The following LRRC7 variants were observed in gnomAD, a reference collection of about 807,000 sequenced individuals.
The protein encoded by LRRC7 is leucine-rich repeat-containing protein 7.
A neutral mutation model predicts 175.7 loss-of-function variants in LRRC7; 23 were observed. That is an observed-to-expected ratio of 0.13 (90% CI 0.09 to 0.19). The LOEUF (loss-of-function observed/expected upper bound fraction) is 0.19. LRRC7 is among the 10% of genes least tolerant of loss of function. The probability of loss-of-function intolerance (pLI) is 1.00; values close to 1 mark genes in which losing one functional copy is unlikely to be tolerated. For synonymous variants in LRRC7, 685 were observed against 680.9 expected (o/e 1.01, Z -0.09); for missense variants, 1,354 against 1,904.7 (o/e 0.71, Z 5.38).
intron 11 of LRRC7, among the ~76,000 whole-genome samples, chr1:69,998,929 C>T (rs766019588): frequency 2.6e-5 from 4 of 152,138 alleles, no homozygotes; most frequent in Non-Finnish European, 4.4e-5. Flanking sequence ...CTTGAGCTCC[C>T]GTCACATCCC....
chr1:69,877,737 A>C (rs1309993318), intron 7 of LRRC7, among the ~76,000 whole-genome samples: 1 of 152,150 alleles, frequency 6.6e-6, no homozygotes, highest in African/African-American at 2.4e-5. Context: ...TCCTTTTCTG[A>C]ACATTTCATA....
At chr1:70,045,023 G>A (rs867963875) in intron 22 of LRRC7, among the ~76,000 whole-genome samples, 16 of 151,948 alleles carry the variant, frequency 1.1e-4, no homozygotes, top group Admixed American at 3.3e-4. Flanking sequence ...ATCAAAATGA[G>A]GGTCATAAGA....
At chr1:70,076,372 T>G in intron 24 of LRRC7, 74 bp downstream of exon 24, 1 of 1,342,522 alleles carries the variant, frequency 7.4e-7, no homozygotes, top group Non-Finnish European at 1.1e-6. Flanking sequence ...TGGCCTTCCC[T>G]CATTAATGTG....
intron 3 of LRRC7, among the ~76,000 whole-genome samples, chr1:69,769,553 G>T (rs768082468): frequency 1.4e-4 from 22 of 152,114 alleles, no homozygotes; most frequent in Non-Finnish European, 1.2e-4. Flanking sequence ...TGTATAAAGT[G>T]TATATGAAGC....
chr1:70,105,046 G>C (rs1020866888), intron 25 of LRRC7, among the ~76,000 whole-genome samples: 1 of 152,160 alleles, frequency 6.6e-6, no homozygotes, highest in Non-Finnish European at 1.5e-5. Flanking sequence ...ATTGTACAGA[G>C]ACCCCAGTAG....
intron 7 of LRRC7, among the ~76,000 whole-genome samples, chr1:69,881,374 A>G (rs544879167): frequency 6.6e-6 from 1 of 152,220 alleles, no homozygotes; most frequent in Non-Finnish European, 1.5e-5. Flanking sequence ...AAAATTTCCA[A>G]TGAAACCAGT....
chr1:69,851,435 A>G (rs1682971119), intron 7 of LRRC7, among the ~76,000 whole-genome samples: 1 of 152,136 alleles, frequency 6.6e-6, no homozygotes, highest in Admixed American at 6.6e-5. Context: ...AAAGAAAGGA[A>G]TTAATGATGC....
intron 13 of LRRC7, among the ~76,000 whole-genome samples, chr1:70,013,597 A>G (rs977417291): frequency 2.6e-5 from 4 of 151,960 alleles, no homozygotes; most frequent in Non-Finnish European, 5.9e-5. Flanking sequence ...TGAATGAGGA[A>G]AGGATAGGTC....
At position 69,712,698 on chromosome 1, in the gene LRRC7, G is replaced by A. The variant is rs554599671; in HGVS notation, c.100+34220G>A. Reference sequence around the variant, plus strand: ...AAAGTTATTTTTATTTTTTCTTTCAGCATTAAAAATGTAGTATCACTAGTG... The same window carrying A: ...AAAGTTATTTTTATTTTTTCTTTCAACATTAAAAATGTAGTATCACTAGTG... On this transcript the variant is annotated intron_variant, in intron 2 of 26. Coordinates refer to ENST00000651989, the MANE Select transcript of LRRC7 (RefSeq NM_001370785.2). Among the ~76,000 whole-genome samples the A allele has an allele frequency of 3.8e-4, 58 of 152,204 alleles. No individual in the cohort carries two copies. The South Asian group carries it at 0.012, about 32-fold the overall frequency.
At chr1:69,745,295 T>C (rs1297138367) in intron 2 of LRRC7, among the ~76,000 whole-genome samples, 1 of 151,968 alleles carries the variant, frequency 6.6e-6, no homozygotes, top group East Asian at 1.9e-4. Flanking sequence ...ACTTTACACT[T>C]TGCTTCACTA....
chr1:70,044,524 A>G (rs1660180169), intron 22 of LRRC7, among the ~76,000 whole-genome samples: 1 of 152,182 alleles, frequency 6.6e-6, no homozygotes, highest in Non-Finnish European at 1.5e-5. Context: ...TTCTTTTGGA[A>G]AAGACATAGA....
Position 69,616,080 on chromosome 1 carries a change from A to C in LRRC7, c.2+47439A>C, listed in dbSNP as rs143696305. On this transcript the variant is annotated intron_variant, in intron 1 of 26. Transcript: ENST00000651989. ...AACAACTGTTTCTCTACTACCACTT[A>C]TGAATCCAATGTCATGTTAGCATTG... Among the ~76,000 whole-genome samples the C allele has an allele frequency of 7.3e-3, 1,110 of 152,224 alleles. 11 individuals carry two copies. Among genetic ancestry groups the C allele is most frequent in the African/African-American group, 0.025 (1,040 of 41,558 alleles).
At chr1:70,062,165 A>G (rs1199449172) in intron 23 of LRRC7, among the ~76,000 whole-genome samples, 4 of 152,158 alleles carry the variant, frequency 2.6e-5, no homozygotes, top group Non-Finnish European at 5.9e-5. Flanking sequence ...TTCCCTGCCT[A>G]TCAAATCTAT....
chr1:69,960,983 G>A (rs1651015782), intron 8 of LRRC7, among the ~76,000 whole-genome samples: 1 of 152,128 alleles, frequency 6.6e-6, no homozygotes, highest in African/African-American at 2.4e-5. Context: ...TCTGGCTGGG[G>A]CAATCAGGCA....
intron 22 of LRRC7, among the ~76,000 whole-genome samples, chr1:70,049,619 T>C (rs181804293): frequency 2.4e-4 from 36 of 152,210 alleles, no homozygotes; most frequent in African/African-American, 7.5e-4. Context: ...TTTACCAAAA[T>C]AATAATTTAG....
chr1:69,692,424 A>C (rs1662004638), intron 2 of LRRC7, among the ~76,000 whole-genome samples: 1 of 152,240 alleles, frequency 6.6e-6, no homozygotes, highest in Admixed American at 6.5e-5. Context: ...CTCTTAAGGC[A>C]TTAGGCTTAA....
rs74426958 is a variant in LRRC7, at chr1:69,922,406, C to T, written c.648-9101C>T. Among the ~76,000 whole-genome samples the T allele has an allele frequency of 8.1e-3, 1,226 of 152,250 alleles. 15 individuals are homozygous for T. The highest frequency in any genetic ancestry group is 0.027 in the African/African-American group (1,122 of 41,534). ...CCCCAAGGCTGAAAAAGTACCTCTC[C>T]TTTTTGTTCTCTAGCAACCTACACG... On this transcript the variant is annotated intron_variant, in intron 7 of 26. Coordinates refer to ENST00000651989, the MANE Select transcript of LRRC7 (RefSeq NM_001370785.2).
chr1:69,669,584 C>A (rs1658761117), intron 1 of LRRC7, among the ~76,000 whole-genome samples: 2 of 152,084 alleles, frequency 1.3e-5, no homozygotes, highest in Non-Finnish European at 1.5e-5. Flanking sequence ...TGTTTTCTAA[C>A]CTTCTCATAC....
chr1:69,999,292 T>C (rs1413544769), intron 11 of LRRC7, among the ~76,000 whole-genome samples: 1 of 152,174 alleles, frequency 6.6e-6, no homozygotes, highest in African/African-American at 2.4e-5. Context: ...AAAAGGCTTA[T>C]TCCAGAAAAG....
Sources: allele counts gnomAD v4.1 joint callset (sites outside exome capture counted in the v4.1 genomes callset), GRCh38; gene constraint gnomAD v4.1.1; transcripts MANE v1.5; gene names NCBI Gene and HGNC (gene_info 2026-07-23, HGNC 2026-07-21).